The following PIP4K2A variants were observed in gnomAD, a reference collection of about 807,000 sequenced individuals.
PIP4K2A encodes the protein phosphatidylinositol 5-phosphate 4-kinase type-2 alpha.
A neutral mutation model predicts 42.9 loss-of-function variants in PIP4K2A; 14 were observed. The ratio of observed to expected loss-of-function variants is 0.33; its 90% CI spans 0.22 to 0.51. The LOEUF is 0.51. PIP4K2A is among the 20% of genes least tolerant of loss of function. The pLI, the probability that PIP4K2A is intolerant of heterozygous loss-of-function variation, is 0.97. For synonymous variants in PIP4K2A, 192 were observed against 192.2 expected, an observed-to-expected ratio of 1.00 and a Z score of 0.01; for missense variants, 434 against 519.8, an observed-to-expected ratio of 0.83 and a Z score of 1.61.
In PIP4K2A at chr10:22,698,972, T is replaced by C. The variant is rs1833652627; in HGVS notation, c.144+15211A>G. Among the ~76,000 whole-genome samples the C allele has an allele frequency of 1.3e-5, 2 of 152,248 alleles. 1 individual carries two copies. The highest frequency in any genetic ancestry group is 4.1e-4 in the South Asian group (2 of 4,838). ...TCTAACACATAATAAAAATATTCAC[T>C]ATTGGCTATTTCCTGGCTCAAATAT... On this transcript the variant is annotated intron_variant, in intron 1 of 9. Coordinates refer to ENST00000376573, the MANE Select transcript of PIP4K2A (RefSeq NM_005028.5).
intron 3 of PIP4K2A, among the ~76,000 whole-genome samples, chr10:22,600,660 G>A (rs984466660): frequency 3.3e-5 from 5 of 152,084 alleles, no homozygotes; most frequent in African/African-American, 1.2e-4. Flanking sequence ...TACATGCCTC[G>A]AATCACACGG....
At chr10:22,592,669 C>T (rs937907580) in intron 3 of PIP4K2A, among the ~76,000 whole-genome samples, 1 of 152,182 alleles carries the variant, frequency 6.6e-6, no homozygotes, top group Non-Finnish European at 1.5e-5. Context: ...TGTGACTCTT[C>T]CGTTCAGATC....
chr10:22,634,730 T>C (rs1400137960), intron 1 of PIP4K2A, among the ~76,000 whole-genome samples: 1 of 152,154 alleles, frequency 6.6e-6, no homozygotes, highest in Non-Finnish European at 1.5e-5. Context: ...ACATTTTTTT[T>C]AATCTATAGA....
At position 22,701,210 on chromosome 10, in the gene PIP4K2A, A is replaced by T. The variant is rs1353986163; in HGVS notation, c.144+12973T>A. Among the ~76,000 whole-genome samples, 5 of 152,204 alleles carry T rather than the reference A, an allele frequency of 3.3e-5. No homozygotes were observed. The East Asian group carries it at 9.6e-4, about 29-fold the overall frequency. On this transcript the variant is annotated intron_variant, in intron 1 of 9. Coordinates refer to ENST00000376573, the MANE Select transcript of PIP4K2A (RefSeq NM_005028.5). Reference sequence around the variant, plus strand: ...GGGCAGGGGTATCCCGCCAGAAGCTAACAGCCCCCAAATAACAATAATGTA... The same window carrying T: ...GGGCAGGGGTATCCCGCCAGAAGCTTACAGCCCCCAAATAACAATAATGTA...
chr10:22,712,913 G>GGGGTGTGTGTGTGT lies in PIP4K2A; in HGVS notation c.144+1269_144+1270insACACACACACACCC, dbSNP rs775265774. On this transcript the variant is annotated intron_variant, in intron 1 of 9. Transcript: ENST00000376573. ...TTTTAAACAACTTCACTACATTGAG[G>GGGGTGTGTGTGTGT]GTGTGTGTGTGTGTGTGTGTGTGTG... is the stretch of plus-strand genomic sequence containing the variant. 8.1e-5 allele frequency among the ~76,000 whole-genome samples: 12 copies of GGGGTGTGTGTGTGT among 147,502 alleles called. 1 individual carries two copies. Among genetic ancestry groups the GGGGTGTGTGTGTGT allele is most frequent in the African/African-American group, 2.8e-4 (11 of 39,992 alleles).
chr10:22,659,447 G>T (rs1839161711), intron 1 of PIP4K2A, among the ~76,000 whole-genome samples: 1 of 152,200 alleles, frequency 6.6e-6, no homozygotes, highest in Non-Finnish European at 1.5e-5. Context: ...ACAAAAATTA[G>T]CTGGGCATGG....
intron 1 of PIP4K2A, chr10:22,659,850 T>C (rs1041508880): frequency 4.0e-5 from 6 of 148,952 alleles, no homozygotes; most frequent in African/African-American, 1.2e-4. Context: ...ACAAAAAAAA[T>C]AGGGTTTGAT....
intron 1 of PIP4K2A, among the ~76,000 whole-genome samples, chr10:22,664,093 A>G (rs1386721814): frequency 9.8e-5 from 7 of 71,636 alleles, no homozygotes; most frequent in East Asian, 8.3e-4. Flanking sequence ...ATATATACAT[A>G]TATATATATA....
chr10:22,587,233 A>G (rs1163968276), intron 4 of PIP4K2A, among the ~76,000 whole-genome samples: 2 of 152,148 alleles, frequency 1.3e-5, no homozygotes, highest in Admixed American at 1.3e-4. Context: ...AAAACAACAA[A>G]GGAAAAGAAA....
intron 3 of PIP4K2A, among the ~76,000 whole-genome samples, chr10:22,601,890 T>C (rs2130838258): frequency 6.6e-6 from 1 of 152,278 alleles, no homozygotes; most frequent in South Asian, 2.1e-4. Flanking sequence ...CCTGCTCTCT[T>C]AGCTTTCAGG....
At chr10:22,616,144 C>T (rs944739085) in intron 1 of PIP4K2A, among the ~76,000 whole-genome samples, 4 of 151,990 alleles carry the variant, frequency 2.6e-5, no homozygotes, top group South Asian at 4.2e-4. Flanking sequence ...TAGTGCAGAG[C>T]GCCAAAATGT....
At chr10:22,556,148 A>G (rs1836539115) in intron 6 of PIP4K2A, among the ~76,000 whole-genome samples, 2 of 152,244 alleles carry the variant, frequency 1.3e-5, no homozygotes, top group East Asian at 3.8e-4. Flanking sequence ...ACACAAACCT[A>G]CCATACATGA....
intron 4 of PIP4K2A, among the ~76,000 whole-genome samples, chr10:22,583,946 G>T (rs566955095): frequency 2.0e-5 from 3 of 152,228 alleles, no homozygotes; most frequent in East Asian, 3.8e-4. Context: ...ATAGTGCCCC[G>T]CCAGGTTAGC....
chr10:22,637,932 A>G (rs1219978378), intron 1 of PIP4K2A, among the ~76,000 whole-genome samples: 2 of 152,260 alleles, frequency 1.3e-5, no homozygotes, highest in Admixed American at 6.5e-5. Flanking sequence ...TAATCTGAAA[A>G]TAAGTATGAA....
At chr10:22,578,400 T>C (rs896972478) in intron 4 of PIP4K2A, among the ~76,000 whole-genome samples, 4 of 152,178 alleles carry the variant, frequency 2.6e-5, no homozygotes, top group Non-Finnish European at 5.9e-5. Context: ...GTGGTTAAAT[T>C]TGACAGATGC....
intron 4 of PIP4K2A, among the ~76,000 whole-genome samples, chr10:22,576,895 G>GA (rs1331361230): frequency 6.6e-6 from 1 of 151,990 alleles, no homozygotes; most frequent in Non-Finnish European, 1.5e-5. Context: ...GGCCAACAGC[G>GA]AAACCTCGTC....
chr10:22,626,748 T>C (rs2130759305), intron 1 of PIP4K2A, among the ~76,000 whole-genome samples: 1 of 152,352 alleles, frequency 6.6e-6, no homozygotes, highest in South Asian at 2.1e-4. Flanking sequence ...TTCTTTTTCA[T>C]AGCTGAAAAC....
At chr10:22,630,504 A>C (rs902590439) in intron 1 of PIP4K2A, among the ~76,000 whole-genome samples, 8 of 152,212 alleles carry the variant, frequency 5.3e-5, no homozygotes, top group Non-Finnish European at 5.9e-5. Flanking sequence ...ACTAGATAGG[A>C]ATCATCTTTC....
At chr10:22,575,706 A>C (rs945795597) in intron 4 of PIP4K2A, among the ~76,000 whole-genome samples, 2 of 152,066 alleles carry the variant, frequency 1.3e-5, no homozygotes, top group African/African-American at 2.4e-5. Context: ...TTTGGAGGCC[A>C]AGGCAGGTGG....
Sources: gnomAD v4.1 joint callset for allele counts (sites outside exome capture counted in the v4.1 genomes callset) on GRCh38, gnomAD v4.1.1 for gene constraint, MANE v1.5 for transcripts, NCBI Gene and HGNC (gene_info 2026-07-23, HGNC 2026-07-21) for gene names.